The following RABGAP1L variants were observed in gnomAD, a reference collection of about 807,000 sequenced individuals.
RABGAP1L encodes the protein RAB GTPase activating protein 1 like.
RABGAP1L carries 63 observed loss-of-function variants against 137.7 expected under a neutral mutation model. The observed-to-expected ratio is 0.46, with a 90% CI of 0.37 to 0.56. The LOEUF (loss-of-function observed/expected upper bound fraction) is 0.56. Ranked by LOEUF, RABGAP1L falls within the 20% of genes least tolerant of loss-of-function variation. RABGAP1L has a pLI of 0.00. For synonymous variants in RABGAP1L, 431 were observed against 433.7 expected (o/e 0.99, Z 0.08); for missense variants, 1,095 against 1,244.0 (o/e 0.88, Z 1.80).
intron 19 of RABGAP1L, among the ~76,000 whole-genome samples, chr1:174,889,401 C>T (rs868552607): frequency 4.6e-5 from 7 of 152,146 alleles, no homozygotes; most frequent in Non-Finnish European, 5.9e-5. Flanking sequence ...GGATTACAGG[C>T]GTGAGCCACC....
chr1:174,204,027 CT>C (rs1356284547), intron 1 of RABGAP1L, among the ~76,000 whole-genome samples: 1 of 151,630 alleles, frequency 6.6e-6, no homozygotes, highest in Non-Finnish European at 1.5e-5. Context: ...TCTCGGCTCA[CT>C]GCAACCTCCA....
intron 1 of RABGAP1L, among the ~76,000 whole-genome samples, chr1:174,213,167 G>T (rs1462418629): frequency 6.6e-6 from 1 of 152,192 alleles, no homozygotes; most frequent in Non-Finnish European, 1.5e-5. Context: ...GCTCATGCCT[G>T]TAATCCCAGC....
At chr1:174,653,135 G>T (rs2148397933) in intron 14 of RABGAP1L, among the ~76,000 whole-genome samples, 1 of 152,278 alleles carries the variant, frequency 6.6e-6, no homozygotes, top group African/African-American at 2.4e-5. Flanking sequence ...AGTAATGGTG[G>T]ACGCCCCTCC....
Position 174,437,830 on chromosome 1 carries a change from T to C in RABGAP1L, c.1710+43685T>C, listed in dbSNP as rs1275695333. On this transcript the variant is annotated intron_variant, in intron 13 of 25. Transcript: ENST00000681986. ...AGGGCAGCCAGAGAGAAAGGTCGGGTTACCCACAAAGGGAAGCCCATCAGA... is the reference window on the plus strand; with the variant it reads ...AGGGCAGCCAGAGAGAAAGGTCGGGCTACCCACAAAGGGAAGCCCATCAGA... Among the ~76,000 whole-genome samples, 4 of 152,236 alleles carry C rather than the reference T, an allele frequency of 2.6e-5. No homozygotes were observed. In the East Asian group the frequency reaches 7.7e-4, roughly 29 times the overall value.
chr1:174,890,517 G>T (rs59073370), intron 19 of RABGAP1L, among the ~76,000 whole-genome samples: 17,672 of 152,112 alleles, frequency 0.12, 3,436 homozygotes, highest in African/African-American at 0.4. Flanking sequence ...TAAAGTACAG[G>T]TTTTGATTTT....
Position 174,371,066 on chromosome 1 carries a change from G to GA in RABGAP1L, c.1557dup (p.Trp520MetfsTer4), listed in dbSNP as rs35176576. ...CTGTATTCTTGGGGAGAGTTGCTAG[G>GA]AAAATGGTAAAATTTTATTTTTCAT... On this transcript the variant is annotated frameshift_variant, in exon 12 of 26. Transcript: ENST00000681986. LOFTEE classifies it high-confidence loss of function. 6.8e-7 allele frequency: 1 copy of GA among 1,480,678 alleles called. No homozygotes were observed. Among genetic ancestry groups the GA allele is most frequent in the Non-Finnish European group, 9.2e-7 (1 of 1,090,410 alleles). The allele number at this position is 1,480,678 out of a possible 1,614,324, so 91.7% of individuals were successfully genotyped here. A position where few individuals can be genotyped will look rare whatever the true frequency, so the allele number is the denominator to read the frequency against.
intron 13 of RABGAP1L, among the ~76,000 whole-genome samples, chr1:174,620,691 T>C (rs546733970): frequency 7.9e-5 from 12 of 152,058 alleles, no homozygotes; most frequent in East Asian, 3.9e-4. Context: ...AGGAAAGATC[T>C]AAAATTGACA....
intron 21 of RABGAP1L, 48 bp from the exon 22 acceptor site, chr1:174,976,030 C>T (rs1000181186): frequency 2.7e-6 from 4 of 1,457,186 alleles, no homozygotes; most frequent in Non-Finnish European, 3.8e-6. Context: ...ACTTTCTTTA[C>T]CCTCTGTATG....
At chr1:174,875,956 G>A (rs184508491) in intron 19 of RABGAP1L, among the ~76,000 whole-genome samples, 44 of 152,116 alleles carry the variant, frequency 2.9e-4, no homozygotes, top group Non-Finnish European at 6.0e-4. Flanking sequence ...GCATTTTTTT[G>A]TTTAAATAAG....
chr1:174,171,638 G>A (rs977396143), intron 1 of RABGAP1L, among the ~76,000 whole-genome samples: 9 of 148,736 alleles, frequency 6.1e-5, no homozygotes, highest in African/African-American at 2.0e-4. Flanking sequence ...TTCCCATTTC[G>A]TCCCCCTCCT....
chr1:174,726,876 A>G (rs1228543175), intron 17 of RABGAP1L, among the ~76,000 whole-genome samples: 1 of 152,118 alleles, frequency 6.6e-6, no homozygotes, highest in African/African-American at 2.4e-5. Context: ...AATTATTTTT[A>G]TATCTGATTA....
intron 17 of RABGAP1L, among the ~76,000 whole-genome samples, chr1:174,736,520 A>G (rs1448046185): frequency 6.6e-6 from 1 of 152,186 alleles, no homozygotes. Flanking sequence ...GCGCTACCAT[A>G]CTGTGGTCTG....
chr1:174,301,810 G>A (rs1677732407), intron 10 of RABGAP1L, among the ~76,000 whole-genome samples: 1 of 152,190 alleles, frequency 6.6e-6, no homozygotes, highest in South Asian at 2.1e-4. Context: ...GGGCATGACA[G>A]TGTAAAATGT....
At position 174,207,012 on chromosome 1, in the gene RABGAP1L, G is replaced by A. The variant is rs377332053; in HGVS notation, c.-33-12113G>A. On this transcript the variant is annotated intron_variant, in intron 1 of 25. Transcript: ENST00000681986. ...TTGAGCTCCTTTGAGTTTAGAAGGGGATGGATAGAAGAAACAAAACACTGA... is the reference window on the plus strand; with the variant it reads ...TTGAGCTCCTTTGAGTTTAGAAGGGAATGGATAGAAGAAACAAAACACTGA... Among the ~76,000 whole-genome samples, 7 of 152,196 alleles carry A rather than the reference G, an allele frequency of 4.6e-5. No individual in the cohort carries two copies. The East Asian group carries it at 7.7e-4, about 17-fold the overall frequency.
intron 13 of RABGAP1L, among the ~76,000 whole-genome samples, chr1:174,410,505 C>G (rs1388717140): frequency 6.6e-6 from 1 of 152,128 alleles, no homozygotes; most frequent in Non-Finnish European, 1.5e-5. Flanking sequence ...ATAAGGAGCC[C>G]TTTCCCTATT....
chr1:174,226,401 AAAAG>A (rs1202266831), intron 3 of RABGAP1L, among the ~76,000 whole-genome samples: 5 of 152,360 alleles, frequency 3.3e-5, no homozygotes, highest in Admixed American at 2.6e-4. Flanking sequence ...TCTCAATAAA[AAAAG>A]AAAGAAAGAG....
intron 18 of RABGAP1L, among the ~76,000 whole-genome samples, chr1:174,753,479 T>C (rs1431584575): frequency 1.3e-5 from 2 of 152,224 alleles, no homozygotes; most frequent in Non-Finnish European, 2.9e-5. Flanking sequence ...TCATCTCTTA[T>C]TCCTTTACAC....
intron 13 of RABGAP1L, among the ~76,000 whole-genome samples, chr1:174,436,813 A>T (rs956511921): frequency 2.4e-4 from 36 of 151,994 alleles, no homozygotes; most frequent in Non-Finnish European, 4.4e-5. Context: ...TTGGGAGGCA[A>T]CCCCCCAGTA....
chr1:174,639,868 G>A (rs75118551), intron 14 of RABGAP1L, among the ~76,000 whole-genome samples: 193 of 152,202 alleles, frequency 1.3e-3, no homozygotes, highest in East Asian at 0.013. Context: ...ATACTCATCA[G>A]TACATTCCCA....
Sources: gnomAD v4.1 joint callset for allele counts (sites outside exome capture counted in the v4.1 genomes callset) on GRCh38, gnomAD v4.1.1 for gene constraint, MANE v1.5 for transcripts, NCBI Gene and HGNC (gene_info 2026-07-23, HGNC 2026-07-21) for gene names.